AQR: variants seen among roughly 807,000 people sequenced by gnomAD.
AQR encodes aquarius intron-binding spliceosomal factor.
A neutral mutation model predicts 180.5 loss-of-function variants in AQR; 61 were observed. The observed-to-expected ratio is 0.34, with a 90% CI of 0.28 to 0.42. AQR has a LOEUF of 0.42. Ranked by LOEUF, AQR falls within the 10% of genes least tolerant of loss-of-function variation. AQR has a pLI of 1.00. For missense variants in AQR, 1,281 were observed against 1,798.3 expected (o/e 0.71, Z 5.20); for synonymous variants, 551 against 588.8 (o/e 0.94, Z 0.93).
intron 24 of AQR, among the ~76,000 whole-genome samples, chr15:34,887,406 T>C (rs906417363): frequency 2.0e-5 from 3 of 152,212 alleles, no homozygotes; most frequent in Non-Finnish European, 2.9e-5. Flanking sequence ...GTAGATTAGA[T>C]CTAAAGGCTT....
intron 9 of AQR, among the ~76,000 whole-genome samples, chr15:34,936,636 G>C (rs1893949137): frequency 6.6e-6 from 1 of 151,838 alleles, no homozygotes; most frequent in African/African-American, 2.4e-5. Context: ...GAATCACTTG[G>C]ACCCAGGAGG....
chr15:34,880,935 T>G (rs1892964122), intron 27 of AQR, among the ~76,000 whole-genome samples: 1 of 152,164 alleles, frequency 6.6e-6, no homozygotes, highest in Non-Finnish European at 1.5e-5. Flanking sequence ...TTAAAACTCT[T>G]AAGTGTGATA....
chr15:34,906,330 C>T (rs566648605), intron 18 of AQR, among the ~76,000 whole-genome samples: 1 of 152,150 alleles, frequency 6.6e-6, no homozygotes, highest in Non-Finnish European at 1.5e-5. Flanking sequence ...GAGATTGTGC[C>T]ACTGAACTCC....
intron 12 of AQR, among the ~76,000 whole-genome samples, chr15:34,929,083 G>C (rs1391996891): frequency 2.0e-5 from 3 of 152,104 alleles, no homozygotes; most frequent in Non-Finnish European, 4.4e-5. Context: ...ATAAATTCTG[G>C]ATATTAGACC....
At chr15:34,924,729 C>T (rs1893732208) in intron 13 of AQR, among the ~76,000 whole-genome samples, 1 of 152,068 alleles carries the variant, frequency 6.6e-6, no homozygotes, top group Non-Finnish European at 1.5e-5. Flanking sequence ...CCACACCCGG[C>T]CTCAATTGAT....
chr15:34,921,605 T>C (rs929418832), intron 13 of AQR, among the ~76,000 whole-genome samples: 4 of 152,148 alleles, frequency 2.6e-5, no homozygotes, highest in Non-Finnish European at 4.4e-5. Context: ...CGTGAAAAAT[T>C]AGAATTTTGG....
intron 11 of AQR, among the ~76,000 whole-genome samples, chr15:34,932,005 T>C (rs1010221704): frequency 4.6e-5 from 7 of 152,218 alleles, no homozygotes; most frequent in African/African-American, 1.4e-4. Context: ...AGTCATACTA[T>C]TGGGGCACAG....
intron 19 of AQR, among the ~76,000 whole-genome samples, chr15:34,901,618 C>T (rs1479269703): frequency 6.6e-6 from 1 of 152,150 alleles, no homozygotes; most frequent in South Asian, 2.1e-4. Flanking sequence ...AATAACCAAA[C>T]CGACCATTTT....
At chr15:34,919,246 A>G (rs1381670848) in intron 14 of AQR, among the ~76,000 whole-genome samples, 1 of 151,828 alleles carries the variant, frequency 6.6e-6, no homozygotes, top group Non-Finnish European at 1.5e-5. Context: ...CTCAAAAAAA[A>G]AAAAAAAAGA....
intron 15 of AQR, among the ~76,000 whole-genome samples, chr15:34,916,882 C>CAA (rs71119988): frequency 0.025 from 1,956 of 79,104 alleles, 45 homozygotes; most frequent in African/African-American, 0.091. Context: ...TTCAGCAGAA[C>CAA]AAAAAAAAAA....
Position 34,922,214 on chromosome 15 carries a change from C to G in AQR, c.1119-1780G>C, listed in dbSNP as rs950928590. Reference sequence around the variant, plus strand: ...TATTTATCTGTAGTTGGTTCCTTTACGTTGCTGAGCAGTATTTCATGATAC... The same window carrying G: ...TATTTATCTGTAGTTGGTTCCTTTAGGTTGCTGAGCAGTATTTCATGATAC... On this transcript the variant is annotated intron_variant, in intron 13 of 34. Transcript: ENST00000156471. Among the ~76,000 whole-genome samples, 3 of 152,260 alleles carry G rather than the reference C, an allele frequency of 2.0e-5. No homozygotes were observed. The East Asian group carries it at 5.8e-4, about 29-fold the overall frequency.
intron 19 of AQR, 47 bp downstream of exon 19, chr15:34,904,289 T>G (rs1414497091): frequency 1.5e-6 from 2 of 1,352,034 alleles, no homozygotes; most frequent in African/African-American, 3.0e-5. Flanking sequence ...TCATAAAAGT[T>G]ACTTAAATTA....
chr15:34,908,634 C>T (rs1364989734), intron 17 of AQR, among the ~76,000 whole-genome samples: 4 of 152,138 alleles, frequency 2.6e-5, no homozygotes, highest in Non-Finnish European at 5.9e-5. Context: ...TCAAAATGTA[C>T]CCTGTCCAGT....
At chr15:34,961,568 C>T (rs2050278988) in intron 2 of AQR, among the ~76,000 whole-genome samples, 2 of 146,858 alleles carry the variant, frequency 1.4e-5, no homozygotes, top group African/African-American at 2.5e-5. Context: ...CAAGATCGCG[C>T]CACTGCACTC....
At chr15:34,893,207 C>A (rs1893177212) in intron 23 of AQR, among the ~76,000 whole-genome samples, 2 of 152,148 alleles carry the variant, frequency 1.3e-5, no homozygotes, top group South Asian at 4.1e-4. Context: ...CAAGAGCACA[C>A]CGAACAAAGG....
intron 3 of AQR, among the ~76,000 whole-genome samples, chr15:34,958,137 G>A (rs771471514): frequency 1.3e-5 from 2 of 152,162 alleles, no homozygotes; most frequent in Non-Finnish European, 2.9e-5. Context: ...GGACCCGGGA[G>A]GCAGAGCTTG....
intron 16 of AQR, among the ~76,000 whole-genome samples, chr15:34,910,862 T>A (rs1170623395): frequency 2.6e-5 from 4 of 152,164 alleles, no homozygotes; most frequent in Non-Finnish European, 5.9e-5. Context: ...TTAATTATAG[T>A]CACTATACTT....
chr15:34,886,498 T>G (rs1314671212), intron 25 of AQR, 28 bp downstream of exon 25: 1 of 1,581,052 alleles, frequency 6.3e-7, no homozygotes, highest in Admixed American at 2.0e-5. Flanking sequence ...TATGATGAAG[T>G]ATGATTCAAA....
intron 20 of AQR, among the ~76,000 whole-genome samples, chr15:34,899,823 C>A (rs1193098453): frequency 1.3e-5 from 2 of 152,124 alleles, no homozygotes; most frequent in Non-Finnish European, 2.9e-5. Flanking sequence ...CCAATTATTT[C>A]AGGTACTTTG....
Sources: allele counts gnomAD v4.1 joint callset (sites outside exome capture counted in the v4.1 genomes callset), GRCh38; gene constraint gnomAD v4.1.1; transcripts MANE v1.5; gene names NCBI Gene and HGNC (gene_info 2026-07-23, HGNC 2026-07-21).